The following TASOR variants were observed in gnomAD, a reference collection of about 807,000 sequenced individuals.
TASOR encodes the protein transcription activation suppressor.
A neutral mutation model predicts 178.6 loss-of-function variants in TASOR; 53 were observed. The ratio of observed to expected loss-of-function variants is 0.30; its 90% CI spans 0.24 to 0.37. TASOR has a LOEUF of 0.37. TASOR is among the 10% of genes least tolerant of loss of function. The pLI, the probability that TASOR is intolerant of heterozygous loss-of-function variation, is 1.00. For missense variants in TASOR, 1,815 were observed against 1,971.4 expected (o/e 0.92, Z 1.50); for synonymous variants, 713 against 696.2 (o/e 1.02, Z -0.38).
In TASOR at chr3:56,633,339, T is replaced by C. The variant is rs1330986462; in HGVS notation, c.3452A>G (p.His1151Arg). 1 of 1,614,202 alleles carries C rather than the reference T, an allele frequency of 6.2e-7. No homozygotes were observed. The highest frequency in any genetic ancestry group is 8.5e-7 in the Non-Finnish European group (1 of 1,180,038). The change falls in exon 18 of 24, where the codon CAT (histidine) becomes CGT (arginine). Residue 1151 changes from histidine (H) to arginine (R), a missense_variant. By Grantham distance (29) the His-to-Arg change is conservative. Around this residue, in one of 5 missense-constraint regions of TASOR, gnomAD observed 655 missense variants for 671.1 expected, o/e 0.98. Transcript: ENST00000683822. ...TACTTCAGTTAAAGCCGAAGTGGAA[T>C]GCTGCTCATCAGAGTTGGTATCTTT... ...PLKDTNSDEQ[H>R]STSALTEVEM...
At chr3:56,654,531 G>C (rs2107596831) in intron 11 of TASOR, among the ~76,000 whole-genome samples, 1 of 152,188 alleles carries the variant, frequency 6.6e-6, no homozygotes, top group East Asian at 1.9e-4. Flanking sequence ...AGGTCAACTA[G>C]ATTTGGCCAG....
intron 17 of TASOR, among the ~76,000 whole-genome samples, chr3:56,638,427 G>T (rs1267508802): frequency 6.6e-6 from 1 of 152,086 alleles, no homozygotes; most frequent in Admixed American, 6.6e-5. Flanking sequence ...AATGGCTTAG[G>T]AATATATTCT....
chr3:56,652,512 CCA>C (rs1180783527), intron 11 of TASOR, among the ~76,000 whole-genome samples: 1 of 150,338 alleles, frequency 6.7e-6, no homozygotes, highest in African/African-American at 2.5e-5. Flanking sequence ...CAGGATCACA[CCA>C]CTGCACTCCA....
chr3:56,676,461 A>C (rs2031308774), intron 1 of TASOR, among the ~76,000 whole-genome samples: 1 of 152,314 alleles, frequency 6.6e-6, no homozygotes, highest in Non-Finnish European at 1.5e-5. Context: ...AATTGTCCCC[A>C]ATTAAACTGT....
rs944838081 is a variant in TASOR at position 56,633,762 on chromosome 3, G to A, written c.3029C>T (p.Pro1010Leu). ...CTCTGTGGTTTCGCTCACTGCAGGC[G>A]GCTCTGCCTCTGCTGCTGGCACACA... is the stretch of plus-strand genomic sequence containing the variant. ...EQCVPAAEAE[P>L]PAVSETTERT... is the part of the protein sequence containing the mutation. Residue 1010 changes from proline (P) to leucine (L), a missense_variant, in exon 18 of 24, where the codon CCG becomes CTG. Pro to Leu is a moderately conservative substitution (Grantham distance 98, BLOSUM62 -3). Coordinates refer to ENST00000683822, the MANE Select transcript of TASOR (RefSeq NM_001365635.2). 6.8e-6 allele frequency: 11 copies of A among 1,613,860 alleles called. No homozygotes were observed. Among genetic ancestry groups the A allele is most frequent in the South Asian group, 4.4e-5 (4 of 91,078 alleles).
chr3:56,638,672 A>G, intron 17 of TASOR, 34 bp downstream of exon 17: 2 of 1,611,560 alleles, frequency 1.2e-6, no homozygotes, highest in South Asian at 1.1e-5. Flanking sequence ...GAAGAAGGGC[A>G]CACTGGGAAG....
In TASOR at chr3:56,624,633, G is replaced by T; in HGVS notation, c.4329C>A (p.Ile1443=). The T allele has an allele frequency of 6.2e-7, 1 of 1,611,358 alleles. No homozygotes were observed. ...RHIVFLTEKN[I]KMLSSYTDNG... ...TATCTGTATAACTGGAAAGCATCTT[G>T]ATGTTCTTCTCTAAATTAAGAAAAA... The change falls in exon 23 of 24, where the codon ATC becomes ATA. Residue 1443 remains isoleucine (I), a synonymous_variant. Coordinates refer to ENST00000683822, the MANE Select transcript of TASOR (RefSeq NM_001365635.2).
At chr3:56,624,044 A>G (rs1006571775) in intron 23 of TASOR, among the ~76,000 whole-genome samples, 1 of 152,216 alleles carries the variant, frequency 6.6e-6, no homozygotes, top group Admixed American at 6.5e-5. Context: ...ACAAAAGATT[A>G]AAGCTATGAC....
At chr3:56,663,673 A>C in intron 7 of TASOR, 101 bp from the exon 8 acceptor site, 1 of 1,132,198 alleles carries the variant, frequency 8.8e-7, no homozygotes, top group Non-Finnish European at 1.1e-6. Context: ...GGCATACTAC[A>C]GTTAAGTCCT....
intron 1 of TASOR, among the ~76,000 whole-genome samples, chr3:56,677,290 G>C (rs907209436): frequency 2.6e-5 from 4 of 152,202 alleles, no homozygotes; most frequent in African/African-American, 9.6e-5. Flanking sequence ...AATAGGGAAA[G>C]CATTATGTAT....
Position 56,633,601 on chromosome 3 carries a change from A to G in TASOR, c.3190T>C (p.Phe1064Leu). ...TQEKMKRLSE[F>L]IYSKTSKAGV... The stretch of plus-strand genomic sequence containing the variant: ...GCTTTGGAAGTCTTAGAATATATGA[A>G]CTCGGAAAGCCGTTTCATCTTCTCT... Residue 1064 changes from phenylalanine to leucine, a missense_variant, in exon 18 of 24, where the codon TTC becomes CTC. Phe to Leu is a conservative substitution (Grantham distance 22). Around this residue, in one of 5 missense-constraint regions of TASOR, gnomAD observed 655 missense variants for 671.1 expected, o/e 0.98. Transcript: ENST00000683822. The G allele has an allele frequency of 6.2e-7, 1 of 1,613,976 alleles. No homozygotes were observed.
rs9311608 is a variant in TASOR, at chr3:56,621,914, G to A, written c.*1123C>T. The A allele has an allele frequency of 0.031, 5,231 of 169,906 alleles. 295 individuals are homozygous for A. Among genetic ancestry groups the A allele is most frequent in the African/African-American group, 0.11 (4,812 of 41,892 alleles). 10.5% of individuals were successfully genotyped at this position (169,906 alleles called of 1,614,324 possible). A position where few individuals can be genotyped will look rare whatever the true frequency, so the allele number is the denominator to read the frequency against. ...TTTCTACTTACCTTAATATAGTCTG[G>A]CGTTGCTGGGACCTCACAGTGTTCT... On this transcript the variant is annotated 3_prime_UTR_variant, in exon 24 of 24. Transcript: ENST00000683822.
Position 56,621,415 on chromosome 3 carries a change from T to TGAC in TASOR, c.*1619_*1621dup. 1.5e-6 allele frequency: 1 copy of TGAC among 680,500 alleles called. No homozygotes were observed. Among genetic ancestry groups the TGAC allele is most frequent in the Non-Finnish European group, 2.4e-6 (1 of 422,134 alleles). The allele number at this position is 680,500 out of a possible 1,614,324, so 42.2% of individuals were successfully genotyped here. Reference sequence around the variant, plus strand: ...AAGCATTTCTGAAAAAATTTTTGAATGACAAAATTTTATCCTAAGCGATAT... The same window carrying TGAC: ...AAGCATTTCTGAAAAAATTTTTGAATGACGACAAAATTTTATCCTAAGCGATAT... On this transcript the variant is annotated 3_prime_UTR_variant, in exon 24 of 24. Coordinates refer to ENST00000683822, the MANE Select transcript of TASOR (RefSeq NM_001365635.2).
At chr3:56,629,590 C>T (rs764503875) in intron 18 of TASOR, among the ~76,000 whole-genome samples, 54 of 152,312 alleles carry the variant, frequency 3.5e-4, no homozygotes, top group Non-Finnish European at 7.1e-4. Flanking sequence ...GTAACTCTTC[C>T]TCCATGCTGG....
At chr3:56,666,127 G>T in intron 7 of TASOR, 133 bp downstream of exon 7, 1 of 599,128 alleles carries the variant, frequency 1.7e-6, no homozygotes. Flanking sequence ...AAACACTTCA[G>T]TCTCCAACCA....
At chr3:56,647,951 C>T (rs1411056348) in intron 13 of TASOR, among the ~76,000 whole-genome samples, 2 of 152,158 alleles carry the variant, frequency 1.3e-5, no homozygotes, top group Non-Finnish European at 2.9e-5. Flanking sequence ...CTAATCCCAG[C>T]AGCTTGGGAG....
At chr3:56,666,526 C>A (rs547968051) in intron 6 of TASOR, 142 bp from the exon 7 acceptor site, 89 of 505,988 alleles carry the variant, frequency 1.8e-4, no homozygotes, top group African/African-American at 1.6e-3. Flanking sequence ...GCCAATTTAA[C>A]TAAAATAATT....
chr3:56,637,896 T>G (rs1010847358), intron 17 of TASOR, among the ~76,000 whole-genome samples: 7 of 152,102 alleles, frequency 4.6e-5, no homozygotes, highest in African/African-American at 1.7e-4. Context: ...AGGTACCCAC[T>G]GCCAACTAGC....
At chr3:56,659,333 C>T (rs1482447384) in intron 11 of TASOR, among the ~76,000 whole-genome samples, 1 of 152,146 alleles carries the variant, frequency 6.6e-6, no homozygotes, top group Non-Finnish European at 1.5e-5. Flanking sequence ...TTACGACCAC[C>T]ATTTAGCAAG....
Sources: gnomAD v4.1 joint callset for allele counts (sites outside exome capture counted in the v4.1 genomes callset) on GRCh38, gnomAD v4.1.1 for gene constraint, gnomAD v4.1.1 regional missense constraint, MANE v1.5 for transcripts, NCBI Gene and HGNC (gene_info 2026-07-23, HGNC 2026-07-21) for gene names.